MROH1: variants seen among roughly 807,000 people sequenced by gnomAD.
MROH1 encodes the protein maestro heat like repeat family member 1.
MROH1 carries 117 observed loss-of-function variants against 116.5 expected under a neutral mutation model. The ratio of observed to expected loss-of-function variants is 1.00; its 90% CI spans 0.86 to 1.17. The LOEUF (loss-of-function observed/expected upper bound fraction) is 1.17, where lower values mean the gene tolerates loss of function less well. Ranked by LOEUF, MROH1 falls within the 50% of genes most tolerant of loss-of-function variation. The pLI, the probability that MROH1 is intolerant of heterozygous loss-of-function variation, is 0.00. For missense variants in MROH1, 1,873 were observed against 1,338.5 expected, an observed-to-expected ratio of 1.40 and a Z score of -6.23; for synonymous variants, 921 against 583.9, an observed-to-expected ratio of 1.58 and a Z score of -8.32.
chr8:144,250,434 C>T (rs1251765411), intron 33 of MROH1, 68 bp downstream of exon 33: 15 of 710,778 alleles, frequency 2.1e-5, no homozygotes, highest in Admixed American at 7.9e-5. Flanking sequence ...TGATGCTCCC[C>T]GAGCCCTCCA....
chr8:144,164,604 G>T (rs1820344478), intron 3 of MROH1, among the ~76,000 whole-genome samples: 2 of 151,814 alleles, frequency 1.3e-5, no homozygotes, highest in Admixed American at 1.3e-4. Context: ...TGTCATGTTG[G>T]CCAGGCTGCT....
At chr8:144,174,099 A>G (rs1823207833) in intron 4 of MROH1, among the ~76,000 whole-genome samples, 1 of 152,126 alleles carries the variant, frequency 6.6e-6, no homozygotes, top group Admixed American at 6.6e-5. Flanking sequence ...TTGGTTTGTA[A>G]GTCTGCAAAA....
At chr8:144,240,480 G>C in intron 19 of MROH1, 90 bp from the exon 20 acceptor site, 1 of 705,216 alleles carries the variant, frequency 1.4e-6, no homozygotes, top group African/African-American at 1.7e-5. Context: ...TGCAGCCCCT[G>C]CAGCCACAGC....
intron 7 of MROH1, among the ~76,000 whole-genome samples, chr8:144,181,763 C>G (rs1005828684): frequency 6.6e-6 from 1 of 152,136 alleles, no homozygotes; most frequent in Non-Finnish European, 1.5e-5. Context: ...GCAGGACGTG[C>G]CATCCAGGCT....
chr8:144,241,321 C>T, intron 21 of MROH1, 74 bp from the exon 22 acceptor site: 1 of 716,452 alleles, frequency 1.4e-6, no homozygotes, highest in South Asian at 1.5e-5. Context: ...TGCCCGTGTC[C>T]ACACGTGACA....
intron 14 of MROH1, among the ~76,000 whole-genome samples, chr8:144,233,852 T>C (rs1166311321): frequency 6.6e-6 from 1 of 152,262 alleles, no homozygotes; most frequent in African/African-American, 2.4e-5. Flanking sequence ...TCTCCAACTT[T>C]GTTCTTTTTC....
intron 26 of MROH1, 22 bp downstream of exon 26, chr8:144,243,964 C>T (rs937688444): frequency 5.1e-6 from 4 of 777,614 alleles, no homozygotes; most frequent in African/African-American, 5.1e-5. Flanking sequence ...TGCCTCTGCA[C>T]AGGCCCGTGC....
chr8:144,256,417 C>T (rs1843805034), intron 35 of MROH1, among the ~76,000 whole-genome samples: 2 of 137,226 alleles, frequency 1.5e-5, no homozygotes, highest in Non-Finnish European at 3.3e-5. Flanking sequence ...CCCCCCTTGG[C>T]CAGGACACAC....
Position 144,245,154 on chromosome 8 carries a change from A to T in MROH1, c.2767-2A>T. On this transcript the variant is annotated splice_acceptor_variant, in intron 28 of 43. Transcript: ENST00000326134. LOFTEE classifies it high-confidence loss of function. The stretch of plus-strand genomic sequence containing the variant: ...TACCTGTGTGACGCCCCTCTTCCTC[A>T]GCACCTGAGCCCATGGATCAAGTCC... 1.3e-6 allele frequency: 1 copy of T among 778,996 alleles called. No individual in the cohort carries two copies. 48.3% of individuals were successfully genotyped at this position (778,996 alleles called of 1,614,324 possible). A position where few individuals can be genotyped will look rare whatever the true frequency, so the allele number is the denominator to read the frequency against.
At chr8:144,195,319 G>A (rs1196388713) in intron 10 of MROH1, among the ~76,000 whole-genome samples, 1 of 149,518 alleles carries the variant, frequency 6.7e-6, no homozygotes, top group Non-Finnish European at 1.5e-5. Context: ...CGATAACACG[G>A]TGAAACCCTG....
intron 1 of MROH1, among the ~76,000 whole-genome samples, chr8:144,149,147 C>G (rs952244676): frequency 2.4e-4 from 37 of 152,018 alleles, no homozygotes; most frequent in Admixed American, 6.6e-4. Flanking sequence ...GCTGGAGATG[C>G]GTGTGGGAAT....
intron 10 of MROH1, among the ~76,000 whole-genome samples, chr8:144,197,092 C>T (rs564797161): frequency 6.6e-6 from 1 of 152,226 alleles, no homozygotes; most frequent in African/African-American, 2.4e-5. Flanking sequence ...AAGACTCTGT[C>T]TCAAAAAACA....
At chr8:144,206,799 G>A (rs544079243) in intron 12 of MROH1, among the ~76,000 whole-genome samples, 6 of 151,348 alleles carry the variant, frequency 4.0e-5, no homozygotes, top group South Asian at 2.1e-4. Flanking sequence ...TTGCGAGGCC[G>A]AGGCAGGTGG....
chr8:144,168,737 G>A (rs943082926), intron 4 of MROH1, among the ~76,000 whole-genome samples: 2 of 152,170 alleles, frequency 1.3e-5, no homozygotes, highest in Non-Finnish European at 1.5e-5. Flanking sequence ...TGTGTGCCTA[G>A]TGCCTGAGGG....
At chr8:144,212,958 T>C (rs973913829) in intron 12 of MROH1, 1 of 758,896 alleles carries the variant, frequency 1.3e-6, no homozygotes, top group Non-Finnish European at 2.5e-6. Context: ...AATTGGACTA[T>C]CCCATAATTA....
intron 3 of MROH1, among the ~76,000 whole-genome samples, chr8:144,165,869 G>T (rs114610389): frequency 2.0e-5 from 3 of 150,790 alleles, no homozygotes; most frequent in Non-Finnish European, 4.4e-5. Flanking sequence ...CACTGTGCCC[G>T]GCCATCAGGC....
At position 144,191,826 on chromosome 8, in the gene MROH1, A is replaced by G; in HGVS notation, c.826A>G (p.Lys276Glu). Residue 276 changes from lysine to glutamate, a missense_variant, in exon 9 of 44, where the codon AAG (lysine) becomes GAG (glutamate). Physicochemically the swap from Lys to Glu is moderately conservative, Grantham distance 56 (BLOSUM62 1). Coordinates refer to ENST00000326134, the MANE Select transcript of MROH1 (RefSeq NM_032450.3). ...CCCTGGGATTCTCGCCCTCTACAAG[A>G]AGCACGCAGAGACCTTCTACTTGTC... ...LLPGILALYK[K>E]HAETFYLSKS... is the part of the protein sequence containing the mutation. The G allele has an allele frequency of 6.2e-7, 1 of 1,613,552 alleles. No homozygotes were observed. Among genetic ancestry groups the G allele is most frequent in the Non-Finnish European group, 8.5e-7 (1 of 1,179,834 alleles).
At chr8:144,183,703 G>A (rs1023379419) in intron 7 of MROH1, among the ~76,000 whole-genome samples, 5 of 151,776 alleles carry the variant, frequency 3.3e-5, no homozygotes, top group Non-Finnish European at 5.9e-5. Flanking sequence ...CTGGAGTGCA[G>A]TGGCGCGATC....
At chr8:144,203,496 G>C (rs1351718767) in intron 12 of MROH1, among the ~76,000 whole-genome samples, 2 of 151,438 alleles carry the variant, frequency 1.3e-5, no homozygotes, top group Non-Finnish European at 3.0e-5. Context: ...CTGTTGAGGG[G>C]TTGGGAGGGG....
Sources: allele counts gnomAD v4.1 joint callset (sites outside exome capture counted in the v4.1 genomes callset), GRCh38; gene constraint gnomAD v4.1.1; transcripts MANE v1.5; gene names NCBI Gene and HGNC (gene_info 2026-07-23, HGNC 2026-07-21).